WFDC10B: variants seen among roughly 807,000 people sequenced by gnomAD.
WFDC10B encodes protein WFDC10B.
A neutral mutation model predicts 2.7 loss-of-function variants in WFDC10B; 1 was observed. That is an observed-to-expected ratio of 0.38 (90% confidence interval 0.13 to 1.79). The LOEUF is 1.79. Ranked by LOEUF, WFDC10B falls within the 40% of genes most tolerant of loss-of-function variation. The probability of loss-of-function intolerance (pLI) is 0.33; values close to 1 mark genes in which losing one functional copy is unlikely to be tolerated. For synonymous variants in WFDC10B, 26 were observed against 32.2 expected, an observed-to-expected ratio of 0.81 and a Z score of 0.65; for missense variants, 71 against 87.8, an observed-to-expected ratio of 0.81 and a Z score of 0.76.
intron 2 of WFDC10B, among the ~76,000 whole-genome samples, chr20:45,703,500 C>T (rs1294886216): frequency 6.6e-6 from 1 of 152,200 alleles, no homozygotes; most frequent in East Asian, 1.9e-4. Flanking sequence ...ACCCACAATT[C>T]CTCTATTTGC....
At chr20:45,686,443 C>T (rs1253235177) in intron 2 of WFDC10B, among the ~76,000 whole-genome samples, 1 of 151,990 alleles carries the variant, frequency 6.6e-6, no homozygotes, top group Non-Finnish European at 1.5e-5. Flanking sequence ...ATTTTTGAAT[C>T]ACCTATCTTT....
rs1450460932 is a variant in WFDC10B, at chr20:45,704,723, C to T, written c.-129-162G>A. On this transcript the variant is annotated intron_variant, in intron 1 of 3. Coordinates refer to ENST00000330523, the MANE Select transcript of WFDC10B (RefSeq NM_172006.2). The stretch of plus-strand genomic sequence containing the variant: ...TTTTCCTTGGTGGCCATGTTGCCAA[C>T]ATGCCCCTTCTCTTGACCAAGGATA... The T allele has an allele frequency of 9.2e-6, 13 of 1,414,980 alleles. No individual in the cohort carries two copies. In the East Asian group the frequency reaches 2.8e-4, roughly 30 times the overall value. The allele number at this position is 1,414,980 out of a possible 1,614,324, so 87.7% of individuals were successfully genotyped here.
chr20:45,690,629 G>A (rs551781934), intron 2 of WFDC10B, among the ~76,000 whole-genome samples: 1 of 152,246 alleles, frequency 6.6e-6, no homozygotes, highest in East Asian at 1.9e-4. Context: ...TATTTTCGTA[G>A]AGGTGTTTGT....
chr20:45,687,970 C>T (rs1210596246), intron 2 of WFDC10B, among the ~76,000 whole-genome samples: 1 of 150,018 alleles, frequency 6.7e-6, no homozygotes, highest in South Asian at 2.1e-4. Flanking sequence ...GTGCGCTGCA[C>T]CCACTAACTC....
chr20:45,702,811 G>T (rs1289618322), intron 2 of WFDC10B, among the ~76,000 whole-genome samples: 1 of 152,182 alleles, frequency 6.6e-6, no homozygotes, highest in East Asian at 1.9e-4. Flanking sequence ...AAGAGCTCTG[G>T]CTCTAGTAAT....
At chr20:45,689,471 G>A (rs1983737229) in intron 2 of WFDC10B, among the ~76,000 whole-genome samples, 1 of 152,154 alleles carries the variant, frequency 6.6e-6, no homozygotes, top group Non-Finnish European at 1.5e-5. Flanking sequence ...TCCTAGCCAT[G>A]AGCATGGAAT....
Position 45,704,295 on chromosome 20 carries a change from G to T in WFDC10B, c.-65+202C>A, listed in dbSNP as rs1265927007. 5.0e-6 allele frequency: 5 copies of T among 1,006,766 alleles called. No homozygotes were observed. In the East Asian group the frequency reaches 1.0e-4, roughly 21 times the overall value. 62.4% of individuals were successfully genotyped at this position (1,006,766 alleles called of 1,614,324 possible). The stretch of plus-strand genomic sequence containing the variant: ...GCTCAGAACTCAGAGGAAGGCAGCA[G>T]CTGAGGACAAAACCTGATGCCACCA... On this transcript the variant is annotated intron_variant, in intron 2 of 3. Coordinates refer to ENST00000330523, the MANE Select transcript of WFDC10B (RefSeq NM_172006.2).
intron 3 of WFDC10B, 45 bp from the exon 4 acceptor site, chr20:45,685,005 G>T: frequency 1.2e-6 from 2 of 1,609,984 alleles, no homozygotes; most frequent in South Asian, 1.1e-5. Context: ...TGCACCTATA[G>T]AGCAGCCTTC....
chr20:45,684,670 GTTTA>G lies in WFDC10B; in HGVS notation c.*156_*159del, dbSNP rs1983545413. 8 of 968,074 alleles carry G rather than the reference GTTTA, an allele frequency of 8.3e-6. No homozygotes were observed. The highest frequency in any genetic ancestry group is 1.2e-5 in the Non-Finnish European group (8 of 663,738). 60.0% of individuals were successfully genotyped at this position (968,074 alleles called of 1,614,324 possible). ...GCAGGATCCATGGGCATTTGTTCTG[GTTTA>G]TTTGACAGGGACAGGGAGTTCAGAC... On this transcript the variant is annotated 3_prime_UTR_variant, in exon 4 of 4. Transcript: ENST00000330523.
intron 2 of WFDC10B, among the ~76,000 whole-genome samples, chr20:45,692,663 C>G (rs1418875876): frequency 1.3e-5 from 2 of 152,186 alleles, no homozygotes; most frequent in Non-Finnish European, 2.9e-5. Context: ...AGTTCTCGAG[C>G]CTTGGCTTTC....
chr20:45,685,014 T>C (rs1983562365), intron 3 of WFDC10B, 54 bp from the exon 4 acceptor site: 4 of 1,606,058 alleles, frequency 2.5e-6, no homozygotes, highest in South Asian at 2.2e-5. Flanking sequence ...AGAGCAGCCT[T>C]CTCAAGCTTG....
intron 2 of WFDC10B, among the ~76,000 whole-genome samples, chr20:45,688,832 C>T (rs957054288): frequency 2.0e-5 from 3 of 152,144 alleles, no homozygotes; most frequent in Non-Finnish European, 4.4e-5. Context: ...TATGCAGAAG[C>T]TCTTTAGTTT....
At chr20:45,691,974 A>G (rs75161392) in intron 2 of WFDC10B, among the ~76,000 whole-genome samples, 3 of 152,134 alleles carry the variant, frequency 2.0e-5, no homozygotes, top group African/African-American at 7.2e-5. Context: ...GTGGCTGGTA[A>G]CGGTTGTTCC....
At chr20:45,698,577 A>G (rs1414313005) in intron 2 of WFDC10B, among the ~76,000 whole-genome samples, 1 of 146,702 alleles carries the variant, frequency 6.8e-6, no homozygotes, top group Non-Finnish European at 1.5e-5. Context: ...ACTCAAGAAG[A>G]AAAAAAAAAA....
intron 2 of WFDC10B, among the ~76,000 whole-genome samples, chr20:45,688,891 T>C (rs1301741544): frequency 2.6e-5 from 4 of 151,958 alleles, no homozygotes; most frequent in African/African-American, 7.2e-5. Context: ...TTGCTTTTGG[T>C]GTTTTAGACA....
chr20:45,697,000 T>C (rs1264630888), intron 2 of WFDC10B, among the ~76,000 whole-genome samples: 1 of 152,132 alleles, frequency 6.6e-6, no homozygotes, highest in Non-Finnish European at 1.5e-5. Context: ...TAAAAAACTA[T>C]ATACAATGAT....
intron 2 of WFDC10B, among the ~76,000 whole-genome samples, chr20:45,704,091 G>A (rs1284233802): frequency 1.3e-5 from 2 of 152,186 alleles, no homozygotes; most frequent in African/African-American, 2.4e-5. Flanking sequence ...AATCAGTGCA[G>A]AACGAACATA....
chr20:45,702,053 C>G, intron 2 of WFDC10B: 3 of 1,447,742 alleles, frequency 2.1e-6, no homozygotes, highest in South Asian at 1.2e-5. Context: ...TCCTTCTCTT[C>G]TCCTCACAGC....
rs375630443 is a variant in WFDC10B at position 45,701,437 on chromosome 20, TATG to T, written c.-65+3057_-65+3059del. Reference sequence around the variant, plus strand: ...AAACAAAAGGAATTAGTTGAAAAGTTATGATAACATTTACAATTTCCTTTTAAA... The same window carrying T: ...AAACAAAAGGAATTAGTTGAAAAGTTATAACATTTACAATTTCCTTTTAAA... On this transcript the variant is annotated intron_variant, in intron 2 of 3. Transcript: ENST00000330523. 3.3e-3 allele frequency among the ~76,000 whole-genome samples: 499 copies of T among 152,286 alleles called. 1 individual carries two copies. The highest frequency in any genetic ancestry group is 0.011 in the African/African-American group (472 of 41,534).
Sources: gnomAD v4.1 joint callset for allele counts (sites outside exome capture counted in the v4.1 genomes callset) on GRCh38, gnomAD v4.1.1 for gene constraint, MANE v1.5 for transcripts, NCBI Gene and HGNC (gene_info 2026-07-23, HGNC 2026-07-21) for gene names.